CPS1: variants seen among roughly 807,000 people sequenced by gnomAD.
CPS1 encodes the protein carbamoyl-phosphate synthase [ammonia], mitochondrial.
In CPS1, 109 loss-of-function variants were observed where a neutral mutation model predicts 174.6. The observed-to-expected ratio is 0.62, with a 90% CI of 0.53 to 0.73. The LOEUF is 0.73. CPS1 is among the 30% of genes least tolerant of loss of function. The pLI, the probability that CPS1 is intolerant of heterozygous loss-of-function variation, is 0.00. For missense variants in CPS1, 1,689 were observed against 1,821.9 expected (o/e 0.93, Z 1.33); for synonymous variants, 637 against 632.0 (o/e 1.01, Z -0.12).
chr2:210,668,052 A>C, intron 33 of CPS1, 134 bp from the exon 34 acceptor site: 9 of 668,874 alleles, frequency 1.3e-5, no homozygotes, highest in Non-Finnish European at 1.6e-5. Context: ...GTCTATGAGT[A>C]AAGTACTTTC....
At chr2:210,675,166 A>T (rs567736447) in intron 35 of CPS1, among the ~76,000 whole-genome samples, 5 of 152,234 alleles carry the variant, frequency 3.3e-5, no homozygotes, top group Non-Finnish European at 7.3e-5. Flanking sequence ...AATTCAATAG[A>T]AGTTGCCAGC....
At chr2:210,644,919 G>A (rs1700330467) in intron 25 of CPS1, among the ~76,000 whole-genome samples, 1 of 151,150 alleles carries the variant, frequency 6.6e-6, no homozygotes, top group Non-Finnish European at 1.5e-5. Flanking sequence ...GAGCTTAATG[G>A]AATTTTGGGC....
intron 1 of CPS1, among the ~76,000 whole-genome samples, chr2:210,559,710 G>C (rs560798705): frequency 6.6e-6 from 1 of 152,200 alleles, no homozygotes; most frequent in East Asian, 1.9e-4. Context: ...GGCACAAAAA[G>C]ATCTGGAATC....
At chr2:210,517,436 A>G (rs1283172606) in intron 1 of CPS1, among the ~76,000 whole-genome samples, 1 of 152,000 alleles carries the variant, frequency 6.6e-6, no homozygotes, top group Non-Finnish European at 1.5e-5. Flanking sequence ...CAATTCATAA[A>G]TTTGGTCTGG....
At chr2:210,536,694 A>G (rs1481195238) in intron 1 of CPS1, among the ~76,000 whole-genome samples, 1 of 152,204 alleles carries the variant, frequency 6.6e-6, no homozygotes, top group Non-Finnish European at 1.5e-5. Context: ...TAGATCTTCA[A>G]AGAACACTGG....
intron 1 of CPS1, among the ~76,000 whole-genome samples, chr2:210,551,275 TTC>T (rs1696722858): frequency 1.3e-5 from 2 of 152,012 alleles, no homozygotes; most frequent in Non-Finnish European, 2.9e-5. Flanking sequence ...TTCTTCTCAT[TTC>T]ACAAATACAC....
chr2:210,577,030 T>A (rs951792280), intron 3 of CPS1: 2 of 283,414 alleles, frequency 7.1e-6, no homozygotes, highest in South Asian at 7.8e-5. Flanking sequence ...CAACTGATCA[T>A]TTAACTTAGT....
chr2:210,579,212 CAT>C (rs1352345279), intron 4 of CPS1, among the ~76,000 whole-genome samples: 2 of 152,170 alleles, frequency 1.3e-5, no homozygotes, highest in Non-Finnish European at 2.9e-5. Context: ...CATTATACCA[CAT>C]GTGTCTCTAT....
Position 210,491,307 on chromosome 2 carries a change from G to GTTTTTTTTTTTTTTT in CPS1, c.3+13558_3+13572dup, listed in dbSNP as rs66825517. 4.4e-4 allele frequency among the ~76,000 whole-genome samples: 22 copies of GTTTTTTTTTTTTTTT among 50,354 alleles called. 7 individuals carry two copies. Among genetic ancestry groups the GTTTTTTTTTTTTTTT allele is most frequent in the African/African-American group, 1.9e-3 (19 of 9,984 alleles). The allele number at this position is 50,354 out of a possible 152,430, so 33.0% of individuals were successfully genotyped here. ...GTAAAAGCATGTATTTGGTATCTGT[G>GTTTTTTTTTTTTTTT]TTTTTTTTTTTTTTTTTTTTTTTTT... On this transcript the variant is annotated intron_variant, in intron 1 of 38. Transcript: ENST00000430249.
At chr2:210,585,180 C>T (rs542805616) in intron 6 of CPS1, among the ~76,000 whole-genome samples, 3 of 152,094 alleles carry the variant, frequency 2.0e-5, no homozygotes, top group Admixed American at 2.0e-4. Flanking sequence ...ATCCCCAGCA[C>T]TGCCTATAGT....
intron 1 of CPS1, among the ~76,000 whole-genome samples, chr2:210,537,950 A>G (rs1055215521): frequency 6.6e-6 from 1 of 152,236 alleles, no homozygotes; most frequent in Admixed American, 6.5e-5. Context: ...ATCCTCTGCT[A>G]TACAGATCAG....
At position 210,614,822 on chromosome 2, in the gene CPS1, G is replaced by T. The variant is rs978644786; in HGVS notation, c.2569-1601G>T. Among the ~76,000 whole-genome samples the T allele has an allele frequency of 4.6e-5, 7 of 151,828 alleles. No individual in the cohort carries two copies. In the East Asian group the frequency reaches 1.2e-3, roughly 25 times the overall value. On this transcript the variant is annotated intron_variant, in intron 20 of 37. Coordinates refer to ENST00000233072, the MANE Select transcript of CPS1 (RefSeq NM_001875.5). ...TACCACATGTTCTCACTCATAAGTG[G>T]GAGTGGAACAATGAGAACATATGAG...
At chr2:210,626,300 C>T (rs1407783402) in intron 21 of CPS1, among the ~76,000 whole-genome samples, 1 of 152,028 alleles carries the variant, frequency 6.6e-6, no homozygotes, top group Non-Finnish European at 1.5e-5. Context: ...AACAAATAAA[C>T]TTTCTTGGTA....
chr2:210,666,659 G>A (rs1701110357), intron 33 of CPS1, among the ~76,000 whole-genome samples: 3 of 152,156 alleles, frequency 2.0e-5, no homozygotes, highest in South Asian at 4.2e-4. Context: ...TTATTTCTGA[G>A]GGCTCTGTTC....
Position 210,668,217 on chromosome 2 carries a change from C to A in CPS1, c.4034C>A (p.Ala1345Asp). 1 of 1,613,558 alleles carries A rather than the reference C, an allele frequency of 6.2e-7. No individual in the cohort carries two copies. Among genetic ancestry groups the A allele is most frequent in the Non-Finnish European group, 8.5e-7 (1 of 1,179,758 alleles). The change falls in exon 34 of 38, where the codon GCC becomes GAC. Residue 1345 changes from alanine to aspartate, a missense_variant. By Grantham distance (126) the Ala-to-Asp change is moderately radical. Coordinates refer to ENST00000233072, the MANE Select transcript of CPS1 (RefSeq NM_001875.5). Reference protein sequence around the residue: ...VACFGEGIHTAFLKAMLSTGF... With the variant: ...VACFGEGIHTDFLKAMLSTGF... ...TGCTTTGGTGAAGGTATTCATACAG[C>A]CTTCCTAAAGGCAATGCTTTCCACA...
At chr2:210,640,471 G>A (rs1186219559) in intron 24 of CPS1, among the ~76,000 whole-genome samples, 1 of 152,076 alleles carries the variant, frequency 6.6e-6, no homozygotes, top group African/African-American at 2.4e-5. Flanking sequence ...CTCATCCTAC[G>A]TAACATATAT....
chr2:210,636,887 A>C (rs1189106022), intron 21 of CPS1, among the ~76,000 whole-genome samples: 1 of 152,236 alleles, frequency 6.6e-6, no homozygotes, highest in Non-Finnish European at 1.5e-5. Flanking sequence ...GTAGGGGGAA[A>C]ATAAGACAAA....
At chr2:210,645,415 T>G (rs1700349633) in intron 25 of CPS1, among the ~76,000 whole-genome samples, 1 of 152,192 alleles carries the variant, frequency 6.6e-6, no homozygotes, top group South Asian at 2.1e-4. Context: ...AAAAGTAGAG[T>G]TAACTTAAGA....
At chr2:210,633,514 G>T (rs755295867) in intron 21 of CPS1, among the ~76,000 whole-genome samples, 5 of 152,258 alleles carry the variant, frequency 3.3e-5, no homozygotes, top group Non-Finnish European at 5.9e-5. Flanking sequence ...AAGAACAAGA[G>T]AAATTATGCA....
Sources: allele counts gnomAD v4.1 joint callset (sites outside exome capture counted in the v4.1 genomes callset), GRCh38; gene constraint gnomAD v4.1.1; transcripts MANE v1.5; gene names NCBI Gene and HGNC (gene_info 2026-07-23, HGNC 2026-07-21).